ZBTB20: variants seen among roughly 807,000 people sequenced by gnomAD.
ZBTB20 encodes the protein zinc finger and BTB domain-containing protein 20.
Under a neutral mutation model 56.9 loss-of-function variants are expected in ZBTB20, and 9 were observed. The observed-to-expected ratio is 0.16, with a 90% CI of 0.10 to 0.28. The LOEUF is 0.28. Ranked by LOEUF, ZBTB20 falls within the 10% of genes least tolerant of loss-of-function variation. ZBTB20 has a pLI of 1.00. For synonymous variants in ZBTB20, 417 were observed against 420.7 expected (o/e 0.99, Z 0.11); for missense variants, 655 against 1,003.0 (o/e 0.65, Z 4.69).
chr3:114,659,283 A>T (rs2060585761), intron 6 of ZBTB20, among the ~76,000 whole-genome samples: 1 of 152,128 alleles, frequency 6.6e-6, no homozygotes, highest in Non-Finnish European at 1.5e-5. Flanking sequence ...GCTTGTAATC[A>T]ACTTAACTTT....
chr3:115,108,143 TA>T (rs537248243), intron 1 of ZBTB20, among the ~76,000 whole-genome samples: 3,784 of 142,364 alleles, frequency 0.027, 48 homozygotes, highest in South Asian at 0.055. Flanking sequence ...TCCTGGAACT[TA>T]AAAAAAAAAA....
intron 7 of ZBTB20, among the ~76,000 whole-genome samples, chr3:114,404,588 G>C (rs889973708): frequency 9.9e-5 from 15 of 152,106 alleles, no homozygotes; most frequent in African/African-American, 3.6e-4. Flanking sequence ...TTTTCAAAGA[G>C]AATGGTACAT....
chr3:115,039,865 C>T lies in ZBTB20; in HGVS notation c.-507+31354G>A, dbSNP rs537974485. ...TCAGTTAGGAGATATAAATTATGGC[C>T]ATCTATTTTACAGCATGAAAACACA... On this transcript the variant is annotated intron_variant, in intron 2 of 11. Coordinates refer to ENST00000675478, the MANE Select transcript of ZBTB20 (RefSeq NM_001348800.3). Among the ~76,000 whole-genome samples the T allele has an allele frequency of 1.1e-4, 17 of 151,984 alleles. No homozygotes were observed. In the East Asian group the frequency reaches 2.9e-3, roughly 26 times the overall value.
At position 114,938,034 on chromosome 3, in the gene ZBTB20, C is replaced by T. The variant is rs181104643; in HGVS notation, c.-456+36332G>A. ...GAATGGCGTGGAGGCAGGAGAATGGCGTGAACCCAGGAGGCGGAGCTTGCA... is the reference window on the plus strand; with the variant it reads ...GAATGGCGTGGAGGCAGGAGAATGGTGTGAACCCAGGAGGCGGAGCTTGCA... On this transcript the variant is annotated intron_variant, in intron 3 of 11. Transcript: ENST00000675478. Among the ~76,000 whole-genome samples, 23 of 151,954 alleles carry T rather than the reference C, an allele frequency of 1.5e-4. No homozygotes were observed. In the East Asian group the frequency reaches 2.5e-3, roughly 17 times the overall value.
At chr3:115,081,670 A>G (rs2082802128) in intron 1 of ZBTB20, among the ~76,000 whole-genome samples, 1 of 152,170 alleles carries the variant, frequency 6.6e-6, no homozygotes, top group South Asian at 2.1e-4. Flanking sequence ...GCTGGATTTA[A>G]GCCAGTCTAT....
intron 6 of ZBTB20, among the ~76,000 whole-genome samples, chr3:114,549,033 T>C (rs1309224063): frequency 6.6e-6 from 1 of 152,228 alleles, no homozygotes; most frequent in Non-Finnish European, 1.5e-5. Flanking sequence ...ACTAAGGTAT[T>C]ACTATATATA....
intron 2 of ZBTB20, among the ~76,000 whole-genome samples, chr3:114,987,830 T>C (rs997036590): frequency 4.6e-5 from 7 of 152,026 alleles, no homozygotes; most frequent in Admixed American, 4.6e-4. Flanking sequence ...AAAGTACCTG[T>C]TTAGCTACAT....
intron 1 of ZBTB20, among the ~76,000 whole-genome samples, chr3:115,139,290 C>T (rs546243307): frequency 1.6e-4 from 25 of 151,980 alleles, no homozygotes; most frequent in African/African-American, 5.5e-4. Context: ...CCTTTCACTA[C>T]CATTCATACT....
intron 6 of ZBTB20, among the ~76,000 whole-genome samples, chr3:114,517,316 C>T (rs2046114637): frequency 6.6e-6 from 1 of 152,098 alleles, no homozygotes; most frequent in African/African-American, 2.4e-5. Flanking sequence ...ATATATTAAA[C>T]AAGAAAATAA....
chr3:114,679,741 T>C (rs1368831679), intron 6 of ZBTB20, among the ~76,000 whole-genome samples: 1 of 152,120 alleles, frequency 6.6e-6, no homozygotes, highest in Non-Finnish European at 1.5e-5. Flanking sequence ...TCCTCAAGGA[T>C]CTAGAATCAG....
At chr3:114,466,604 A>G (rs1365649076) in intron 7 of ZBTB20, among the ~76,000 whole-genome samples, 1 of 152,246 alleles carries the variant, frequency 6.6e-6, no homozygotes, top group Non-Finnish European at 1.5e-5. Flanking sequence ...AGAACGTCCC[A>G]AAGCAAGATA....
chr3:114,604,877 G>A (rs1317947616), intron 6 of ZBTB20, among the ~76,000 whole-genome samples: 1 of 152,068 alleles, frequency 6.6e-6, no homozygotes, highest in African/African-American at 2.4e-5. Flanking sequence ...TAAAAGCCTA[G>A]GATGATTTCC....
intron 2 of ZBTB20, among the ~76,000 whole-genome samples, chr3:115,047,118 T>C (rs921607307): frequency 2.6e-5 from 4 of 152,220 alleles, no homozygotes; most frequent in Admixed American, 2.6e-4. Context: ...TCATCATCTT[T>C]GAGGCTGATT....
intron 6 of ZBTB20, among the ~76,000 whole-genome samples, chr3:114,586,929 A>G (rs1048755896): frequency 1.4e-4 from 21 of 151,804 alleles, no homozygotes; most frequent in African/African-American, 5.1e-4. Context: ...TTCTTTCTAC[A>G]ATTTTACATT....
intron 6 of ZBTB20, chr3:114,527,245 A>G (rs2047331048): frequency 6.6e-6 from 1 of 152,226 alleles, no homozygotes; most frequent in African/African-American, 2.4e-5. Flanking sequence ...GCAGGTCCAA[A>G]AATCTGATGG....
intron 6 of ZBTB20, among the ~76,000 whole-genome samples, chr3:114,570,541 A>G (rs558263198): frequency 5.8e-4 from 88 of 152,216 alleles, no homozygotes; most frequent in Non-Finnish European, 9.4e-4. Context: ...TAACTTGTCA[A>G]AGATAATTCA....
At chr3:114,346,061 A>G (rs959055450) in intron 11 of ZBTB20, among the ~76,000 whole-genome samples, 4 of 152,224 alleles carry the variant, frequency 2.6e-5, no homozygotes, top group Non-Finnish European at 5.9e-5. Flanking sequence ...AGAAACTCCT[A>G]GAGATAAGGA....
chr3:114,411,935 T>C (rs911510810), intron 7 of ZBTB20, among the ~76,000 whole-genome samples: 5 of 152,158 alleles, frequency 3.3e-5, no homozygotes, highest in Admixed American at 6.5e-5. Context: ...CCACATGATA[T>C]GGAAGTTGTA....
chr3:115,050,875 A>T (rs2108435733), intron 2 of ZBTB20, among the ~76,000 whole-genome samples: 1 of 152,244 alleles, frequency 6.6e-6, no homozygotes, highest in Non-Finnish European at 1.5e-5. Flanking sequence ...GGTACTCTAC[A>T]ACTCTATTAG....
Sources: gnomAD v4.1 joint callset for allele counts (sites outside exome capture counted in the v4.1 genomes callset) on GRCh38, gnomAD v4.1.1 for gene constraint, MANE v1.5 for transcripts, NCBI Gene and HGNC (gene_info 2026-07-23, HGNC 2026-07-21) for gene names.